The following ATE1 variants were observed in gnomAD, a reference collection of about 807,000 sequenced individuals.
ATE1 encodes arginyl-tRNA--protein transferase 1.
A neutral mutation model predicts 70.5 loss-of-function variants in ATE1; 36 were observed. That is an observed-to-expected ratio of 0.51 (90% CI 0.39 to 0.67). The LOEUF (loss-of-function observed/expected upper bound fraction) is 0.67. Among genes scored for constraint, ATE1 ranks in the 30% least tolerant of loss-of-function variants. The pLI is 0.00. For synonymous variants in ATE1, 232 were observed against 219.3 expected (o/e 1.06, Z -0.51); for missense variants, 593 against 629.5 (o/e 0.94, Z 0.62).
chr10:121,928,232 G>C (rs1426908646), upstream of ATE1: 1 of 1,370,288 alleles, frequency 7.3e-7, no homozygotes, highest in South Asian at 1.5e-5. Context: ...AACAGGATGG[G>C]GAGAGTCAAG....
At chr10:121,781,391 C>T (rs564345932) in intron 11 of ATE1, among the ~76,000 whole-genome samples, 1 of 152,300 alleles carries the variant, frequency 6.6e-6, no homozygotes, top group African/African-American at 2.4e-5. Context: ...AGGGCAGAGG[C>T]ATTAACACTC....
At chr10:121,787,529 G>C (rs1038541849) in intron 11 of ATE1, among the ~76,000 whole-genome samples, 2 of 152,130 alleles carry the variant, frequency 1.3e-5, no homozygotes, top group African/African-American at 4.8e-5. Context: ...GTATTCTCTT[G>C]AAAGTTCCAC....
At position 121,791,055 on chromosome 10, in the gene ATE1, CGT is replaced by C. The variant is rs71189171; in HGVS notation, c.1258-768_1258-767del. On this transcript the variant is annotated intron_variant, in intron 10 of 11. Transcript: ENST00000224652. ...GTATATATGTGTATATATATGTATACGTGTGTGTGTGTGTGTGTGTGTGTGTG... is the reference window on the plus strand; with the variant it reads ...GTATATATGTGTATATATATGTATACGTGTGTGTGTGTGTGTGTGTGTGTG... Among the ~76,000 whole-genome samples, 2,708 of 135,786 alleles carry C rather than the reference CGT, an allele frequency of 0.02. 128 individuals carry two copies. The East Asian group carries it at 0.21, about 11-fold the overall frequency. The allele number at this position is 135,786 out of a possible 152,430, so 89.1% of individuals were successfully genotyped here. A position where few individuals can be genotyped will look rare whatever the true frequency, so the allele number is the denominator to read the frequency against.
chr10:121,903,202 T>A lies in ATE1; in HGVS notation c.584-582A>T, dbSNP rs1349248358. 5.2e-4 allele frequency among the ~76,000 whole-genome samples: 75 copies of A among 144,902 alleles called. 1 individual carries two copies. Among genetic ancestry groups the A allele is most frequent in the South Asian group, 2.3e-3 (10 of 4,428 alleles). Reference sequence around the variant, plus strand: ...CCAGGCCCGGCCCAAATATCTTTTTTTAAAAAAAAACATTCATCCACTTCT... The same window carrying A: ...CCAGGCCCGGCCCAAATATCTTTTTATAAAAAAAAACATTCATCCACTTCT... On this transcript the variant is annotated intron_variant, in intron 5 of 11. Coordinates refer to ENST00000224652, the MANE Select transcript of ATE1 (RefSeq NM_001001976.3).
In ATE1 at chr10:121,742,000, GCT is replaced by G. The variant is rs1944163340; in HGVS notation, c.*1678_*1679del. The stretch of plus-strand genomic sequence containing the variant: ...ATTTTAGAGGAAAAAGAGAAAAAAG[GCT>G]CTATAGATTCTGAAGGCAGTTCCAA... On this transcript the variant is annotated 3_prime_UTR_variant, in exon 12 of 12. Transcript: ENST00000224652. 6.6e-6 allele frequency: 1 copy of G among 152,150 alleles called. No individual in the cohort carries two copies. Among genetic ancestry groups the G allele is most frequent in the African/African-American group, 2.4e-5 (1 of 41,446 alleles). The allele number at this position is 152,150 out of a possible 1,614,324, so 9.4% of individuals were successfully genotyped here.
intron 10 of ATE1, among the ~76,000 whole-genome samples, chr10:121,817,223 A>G (rs929921367): frequency 6.6e-6 from 1 of 152,230 alleles, no homozygotes; most frequent in African/African-American, 2.4e-5. Context: ...AACATTTACC[A>G]TAAATCAGAG....
At chr10:121,847,291 A>T (rs994425451) in intron 8 of ATE1, among the ~76,000 whole-genome samples, 5 of 151,998 alleles carry the variant, frequency 3.3e-5, no homozygotes, top group Admixed American at 1.3e-4. Flanking sequence ...TACTAAAAAT[A>T]TAAAAAATTA....
intron 1 of ATE1, among the ~76,000 whole-genome samples, chr10:121,926,101 C>T (rs1401543486): frequency 1.3e-5 from 2 of 151,666 alleles, no homozygotes; most frequent in African/African-American, 2.4e-5. Flanking sequence ...CACAGCTACT[C>T]GGGAGGCTGA....
chr10:121,827,339 G>C (rs960883309), intron 10 of ATE1, among the ~76,000 whole-genome samples: 1 of 152,106 alleles, frequency 6.6e-6, no homozygotes, highest in African/African-American at 2.4e-5. Flanking sequence ...GGAGACAGAG[G>C]AGAGAAAATT....
At chr10:121,905,223 TG>T (rs1951142655) in intron 5 of ATE1, among the ~76,000 whole-genome samples, 1 of 152,190 alleles carries the variant, frequency 6.6e-6, no homozygotes, top group Non-Finnish European at 1.5e-5. Context: ...AAAAATTAAC[TG>T]CCATTCAATT....
intron 7 of ATE1, among the ~76,000 whole-genome samples, chr10:121,894,772 G>A (rs911226311): frequency 1.3e-5 from 2 of 151,906 alleles, no homozygotes; most frequent in Non-Finnish European, 2.9e-5. Flanking sequence ...GTGGTGGCGG[G>A]CACCTGTAGT....
At chr10:121,918,239 A>ACTT (rs1951736891) in intron 3 of ATE1, among the ~76,000 whole-genome samples, 1 of 152,070 alleles carries the variant, frequency 6.6e-6, no homozygotes, top group East Asian at 1.9e-4. Flanking sequence ...AGGCTGAGGC[A>ACTT]GAAGAATCAC....
At chr10:121,818,619 A>G (rs1213592109) in intron 10 of ATE1, among the ~76,000 whole-genome samples, 1 of 152,252 alleles carries the variant, frequency 6.6e-6, no homozygotes, top group Non-Finnish European at 1.5e-5. Flanking sequence ...ATGAACATAT[A>G]TATTTTACCC....
chr10:121,852,942 A>T (rs1036684578), intron 8 of ATE1, among the ~76,000 whole-genome samples: 15 of 152,198 alleles, frequency 9.9e-5, no homozygotes, highest in African/African-American at 3.4e-4. Flanking sequence ...TTTCTGGCTG[A>T]CAATTAGACA....
intron 7 of ATE1, among the ~76,000 whole-genome samples, chr10:121,873,442 C>A (rs1949929309): frequency 6.6e-6 from 1 of 152,112 alleles, no homozygotes; most frequent in South Asian, 2.1e-4. Context: ...TTGTTCTATT[C>A]ATCATCGGTA....
At chr10:121,921,152 G>A (rs1951867300) in intron 3 of ATE1, among the ~76,000 whole-genome samples, 3 of 151,742 alleles carry the variant, frequency 2.0e-5, no homozygotes, top group Non-Finnish European at 2.9e-5. Flanking sequence ...GCTGAGGTTT[G>A]CAATATGGAT....
chr10:121,842,297 G>A (rs990017056), intron 8 of ATE1, among the ~76,000 whole-genome samples: 1 of 152,068 alleles, frequency 6.6e-6, no homozygotes, highest in Admixed American at 6.6e-5. Context: ...AAATATAACT[G>A]ATCTTAAATG....
chr10:121,927,583 C>G, intron 1 of ATE1: 2 of 977,386 alleles, frequency 2.0e-6, no homozygotes, highest in Non-Finnish European at 2.4e-6. Context: ...CAATCTACCC[C>G]AGACGGGCGT....
Position 121,813,250 on chromosome 10 carries a change from T to C in ATE1, c.1258-22961A>G, listed in dbSNP as rs550929482. Among the ~76,000 whole-genome samples, 129 of 152,350 alleles carry C rather than the reference T, an allele frequency of 8.5e-4. No homozygotes were observed. In the Middle Eastern group the frequency reaches 0.01, roughly 12 times the overall value. ...CTTAGAAACAGAGGATGAAATGTTT[T>C]ACTCTCTGTGAAAGATCAAAATCTA... On this transcript the variant is annotated intron_variant, in intron 10 of 11. Transcript: ENST00000224652.
Sources: gnomAD v4.1 joint callset for allele counts (sites outside exome capture counted in the v4.1 genomes callset) on GRCh38, gnomAD v4.1.1 for gene constraint, MANE v1.5 for transcripts, NCBI Gene and HGNC (gene_info 2026-07-23, HGNC 2026-07-21) for gene names.